The following PCDHGA4 variants were observed in gnomAD, a reference collection of about 807,000 sequenced individuals.
The protein encoded by PCDHGA4 is protocadherin gamma-A4.
A neutral mutation model predicts 54.6 loss-of-function variants in PCDHGA4; 38 were observed. The ratio of observed to expected loss-of-function variants is 0.70; its 90% confidence interval spans 0.54 to 0.91. The LOEUF is 0.91. PCDHGA4 is among the 40% of genes least tolerant of loss of function. The pLI, the probability that PCDHGA4 is intolerant of heterozygous loss-of-function variation, is 0.00. For missense variants in PCDHGA4, 1,298 were observed against 1,220.9 expected (o/e 1.06, Z -0.94); for synonymous variants, 511 against 512.9 (o/e 1.00, Z 0.05).
At chr5:141,405,407 C>A (rs1252757330) in intron 1 of PCDHGA4, 3 of 1,582,052 alleles carry the variant, frequency 1.9e-6, no homozygotes, top group Non-Finnish European at 2.6e-6. Flanking sequence ...TCTTTCTTTT[C>A]TTTTTTTGTT....
At chr5:141,403,153 C>T (rs2094362720) in intron 1 of PCDHGA4, 2 of 1,614,060 alleles carry the variant, frequency 1.2e-6, no homozygotes, top group Non-Finnish European at 1.7e-6. Flanking sequence ...TCCGCATCGT[C>T]TCTAGAGGTA....
At chr5:141,463,610 G>A (rs189991450) in intron 1 of PCDHGA4, among the ~76,000 whole-genome samples, 2 of 151,672 alleles carry the variant, frequency 1.3e-5, no homozygotes, top group Admixed American at 6.6e-5. Flanking sequence ...CACCATGCCC[G>A]GCTAATTTTT....
rs762979829 is a variant in PCDHGA4, at chr5:141,432,863, T to A, written c.2515-61944T>A. 1 of 1,614,074 alleles carries A rather than the reference T, an allele frequency of 6.2e-7. No individual in the cohort carries two copies. Among genetic ancestry groups the A allele is most frequent in the East Asian group, 2.2e-5 (1 of 44,886 alleles). On this transcript the variant is annotated intron_variant, in intron 1 of 3. Coordinates refer to ENST00000571252, the MANE Select transcript of PCDHGA4 (RefSeq NM_018917.4). The surrounding 1 kb of genome is among the most constrained non-coding windows in gnomAD (Gnocchi z 6.0). ...GGTGGTAGCGGTGGCCGCGGTCTCCTGCGTCTTCCTGGCCTTCGTCATCTT... is the reference window on the plus strand; with the variant it reads ...GGTGGTAGCGGTGGCCGCGGTCTCCAGCGTCTTCCTGGCCTTCGTCATCTT...
chr5:141,477,007 A>C lies in PCDHGA4; in HGVS notation c.2515-17800A>C, dbSNP rs891158982. The C allele has an allele frequency of 1.9e-6, 3 of 1,614,258 alleles. No individual in the cohort carries two copies. The Admixed American group carries it at 5.0e-5, about 27-fold the overall frequency. ...CCGGCGTGCGGCAACTATTCGCCTT[A>C]GACCTTGTAACCGGGATGCTGACAA... On this transcript the variant is annotated intron_variant, in intron 1 of 3. Coordinates refer to ENST00000571252, the MANE Select transcript of PCDHGA4 (RefSeq NM_018917.4). This position sits in a 1 kb window ranked among gnomAD's most constrained non-coding sequence, Gnocchi z 4.9.
chr5:141,360,115 AG>A, intron 1 of PCDHGA4: 1 of 1,568,846 alleles, frequency 6.4e-7, no homozygotes, highest in Non-Finnish European at 8.7e-7. Flanking sequence ...CTATGGGCAA[AG>A]GAGCAAAGGG....
At position 141,485,163 on chromosome 5, in the gene PCDHGA4, G is replaced by A. The variant is rs2099608470; in HGVS notation, c.2515-9644G>A. 14 of 1,604,624 alleles carry A rather than the reference G, an allele frequency of 8.7e-6. No individual in the cohort carries two copies. The highest frequency in any genetic ancestry group is 1.1e-5 in the Non-Finnish European group (13 of 1,172,560). ...TCTCAGGAGCAAGTAGAGAATTAGCGGGCGGCAGCAATGCTCCGCAAGGTG... is the reference window on the plus strand; with the variant it reads ...TCTCAGGAGCAAGTAGAGAATTAGCAGGCGGCAGCAATGCTCCGCAAGGTG... On this transcript the variant is annotated intron_variant, in intron 1 of 3. Coordinates refer to ENST00000571252, the MANE Select transcript of PCDHGA4 (RefSeq NM_018917.4). The surrounding 1 kb of genome is among the most constrained non-coding windows in gnomAD (Gnocchi z 5.7).
rs999250620 is a variant in PCDHGA4, at chr5:141,373,672, T to C, written c.2514+16051T>C. 5.3e-5 allele frequency among the ~76,000 whole-genome samples: 8 copies of C among 152,368 alleles called. No individual in the cohort carries two copies. The East Asian group carries it at 1.3e-3, about 26-fold the overall frequency. ...TAAGAGATATTTTCATAAAAATGAA[T>C]GGTAAACTTCAGAGAACATTTAAAA... On this transcript the variant is annotated intron_variant, in intron 1 of 3. Coordinates refer to ENST00000571252, the MANE Select transcript of PCDHGA4 (RefSeq NM_018917.4).
chr5:141,379,251 C>T (rs569528172), intron 1 of PCDHGA4: 1 of 152,224 alleles, frequency 6.6e-6, no homozygotes, highest in African/African-American at 2.4e-5. Flanking sequence ...GTGGTATTTA[C>T]ATTTAAGGAA....
Position 141,505,388 on chromosome 5 carries a change from C to T in PCDHGA4, c.2574-5C>T, listed in dbSNP as rs756505223. ...TCTGTGCTCACCATCCTACTCTCTCCCCAGCTCCCAAAATGGCGATGACAC... is the reference window on the plus strand; with the variant it reads ...TCTGTGCTCACCATCCTACTCTCTCTCCAGCTCCCAAAATGGCGATGACAC... On this transcript the variant is annotated splice_polypyrimidine_tract_variant and splice_region_variant and intron_variant, in intron 2 of 3. Transcript: ENST00000571252. The T allele has an allele frequency of 6.2e-7, 1 of 1,613,972 alleles. No homozygotes were observed. The highest frequency in any genetic ancestry group is 2.2e-5 in the East Asian group (1 of 44,886).
In PCDHGA4 at chr5:141,405,345, A is replaced by G. The variant is rs758657243; in HGVS notation, c.2514+47724A>G. 3 of 1,613,944 alleles carry G rather than the reference A, an allele frequency of 1.9e-6. No homozygotes were observed. In the South Asian group the frequency reaches 3.3e-5, roughly 18 times the overall value. On this transcript the variant is annotated intron_variant, in intron 1 of 3. Coordinates refer to ENST00000571252, the MANE Select transcript of PCDHGA4 (RefSeq NM_018917.4). ...CCTTTGTGCGTCTCTGTTGATTCCA[A>G]GTTTCCTATAGAAGACACCCCTTTG...
Position 141,375,794 on chromosome 5 carries a change from G to C in PCDHGA4, c.2514+18173G>C, listed in dbSNP as rs754100940. On this transcript the variant is annotated intron_variant, in intron 1 of 3. Transcript: ENST00000571252. Reference sequence around the variant, plus strand: ...CCTGTACCCCGCCCTCCCCACAGACGGTTCCACTGGCGTGGAGCTGGCGCC... The same window carrying C: ...CCTGTACCCCGCCCTCCCCACAGACCGTTCCACTGGCGTGGAGCTGGCGCC... 33 of 1,614,052 alleles carry C rather than the reference G, an allele frequency of 2.0e-5. No individual in the cohort carries two copies. Among genetic ancestry groups the C allele is most frequent in the Non-Finnish European group, 2.4e-5 (28 of 1,180,026 alleles).
chr5:141,362,130 G>A (rs762720403), intron 1 of PCDHGA4: 3 of 1,613,918 alleles, frequency 1.9e-6, no homozygotes, highest in African/African-American at 1.3e-5. Context: ...TAATCTTCGC[G>A]GATAGCCTGC....
intron 2 of PCDHGA4, among the ~76,000 whole-genome samples, chr5:141,500,893 A>G (rs1393294152): frequency 1.1e-5 from 1 of 94,848 alleles, no homozygotes; most frequent in Non-Finnish European, 2.0e-5. Context: ...TTTTTTTGAG[A>G]CAGTCTCGCT....
chr5:141,504,228 C>T lies in PCDHGA4; in HGVS notation c.2574-1165C>T, dbSNP rs114896014. Among the ~76,000 whole-genome samples, 193 of 152,312 alleles carry T rather than the reference C, an allele frequency of 1.3e-3. 1 individual carries two copies. The highest frequency in any genetic ancestry group is 2.1e-3 in the Admixed American group (32 of 15,304). ...AAAATTCCAAGTAGAGCTGAACCTT[C>T]TAAGAAGCAGAGAGTTCTTCTTATG... On this transcript the variant is annotated intron_variant, in intron 2 of 3. Coordinates refer to ENST00000571252, the MANE Select transcript of PCDHGA4 (RefSeq NM_018917.4).
At position 141,356,044 on chromosome 5, in the gene PCDHGA4, C is replaced by T. The variant is rs185441391; in HGVS notation, c.937C>T (p.Arg313Trp). The change falls in exon 1 of 4, where the codon CGG becomes TGG. Residue 313 changes from arginine (R) to tryptophan (W), a missense_variant. By Grantham distance (101) the Arg-to-Trp change is moderately radical. Coordinates refer to ENST00000571252, the MANE Select transcript of PCDHGA4 (RefSeq NM_018917.4). The stretch of plus-strand genomic sequence containing the variant: ...CAATGGAGACGTGACGTATTCTTTC[C>T]GGAAAGTAAGAGACAAAATATCACA... ...GANGDVTYSFRKVRDKISQLF... is the reference protein window; with the variant it reads ...GANGDVTYSFWKVRDKISQLF... The T allele has an allele frequency of 1.9e-6, 3 of 1,613,890 alleles. No individual in the cohort carries two copies. Among genetic ancestry groups the T allele is most frequent in the East Asian group, 4.5e-5 (2 of 44,882 alleles).
At position 141,431,438 on chromosome 5, in the gene PCDHGA4, C is replaced by G. The variant is rs773812765; in HGVS notation, c.2515-63369C>G. The G allele has an allele frequency of 3.9e-5, 63 of 1,613,612 alleles. No homozygotes were observed. In the East Asian group the frequency reaches 1.4e-3, roughly 35 times the overall value. ...CGACCCGGTGCGCACAGGCACCGCG[C>G]GCATCCGCGTGATGGTTCTGGATGC... is the stretch of plus-strand genomic sequence containing the variant. On this transcript the variant is annotated intron_variant, in intron 1 of 3. Coordinates refer to ENST00000571252, the MANE Select transcript of PCDHGA4 (RefSeq NM_018917.4). The surrounding 1 kb of genome is among the most constrained non-coding windows in gnomAD (Gnocchi z 4.8).
intron 1 of PCDHGA4, among the ~76,000 whole-genome samples, chr5:141,481,913 CAAAAAAAAA>C (rs34114744): frequency 1.1e-5 from 1 of 90,852 alleles, no homozygotes; most frequent in Non-Finnish European, 2.2e-5. Flanking sequence ...AACTCCATCT[CAAAAAAAAA>C]AAAAAAAAAA....
chr5:141,368,584 T>C (rs988612608), intron 1 of PCDHGA4, among the ~76,000 whole-genome samples: 1 of 152,088 alleles, frequency 6.6e-6, no homozygotes, highest in African/African-American at 2.4e-5. Context: ...GGGTAAGGTG[T>C]TTGGGAAAAA....
At chr5:141,471,901 G>C (rs1224804131) in intron 1 of PCDHGA4, among the ~76,000 whole-genome samples, 1 of 152,146 alleles carries the variant, frequency 6.6e-6, no homozygotes, top group Non-Finnish European at 1.5e-5. Context: ...ATTGACTACA[G>C]ACAAGCATGA....
Sources: gnomAD v4.1 joint callset for allele counts (sites outside exome capture counted in the v4.1 genomes callset) on GRCh38, gnomAD v4.1.1 for gene constraint, Gnocchi (gnomAD v3.1) non-coding constraint, MANE v1.5 for transcripts, NCBI Gene and HGNC (gene_info 2026-07-23, HGNC 2026-07-21) for gene names.